The following BBS9 variants were observed in gnomAD, a reference collection of about 807,000 sequenced individuals.
BBS9 encodes Bardet-Biedl syndrome 9.
A neutral mutation model predicts 117.7 loss-of-function variants in BBS9; 89 were observed. The observed-to-expected ratio is 0.76, with a 90% CI of 0.64 to 0.90. BBS9 has a LOEUF of 0.90. Ranked by LOEUF, BBS9 falls within the 40% of genes least tolerant of loss-of-function variation. The pLI is 0.00. For synonymous variants in BBS9, 379 were observed against 370.9 expected (o/e 1.02, Z -0.25); for missense variants, 982 against 1,042.2 (o/e 0.94, Z 0.80).
intron 19 of BBS9, among the ~76,000 whole-genome samples, chr7:33,433,424 C>T (rs1409881343): frequency 2.0e-5 from 3 of 152,102 alleles, no homozygotes; most frequent in East Asian, 1.9e-4. Context: ...TTTCCCATAC[C>T]GTGATCCAGC....
intron 19 of BBS9, among the ~76,000 whole-genome samples, chr7:33,489,238 C>G (rs1843561148): frequency 6.6e-6 from 1 of 151,492 alleles, no homozygotes; most frequent in South Asian, 2.1e-4. Flanking sequence ...AAGTGATCCA[C>G]TCTCCTTGGC....
At chr7:33,219,261 C>G (rs1016947016) in intron 5 of BBS9, among the ~76,000 whole-genome samples, 2 of 152,228 alleles carry the variant, frequency 1.3e-5, no homozygotes. Context: ...CCTCCCACCC[C>G]CTCCGTGGGC....
chr7:33,149,486 C>G (rs930814774), intron 2 of BBS9, among the ~76,000 whole-genome samples: 2 of 152,152 alleles, frequency 1.3e-5, no homozygotes, highest in Non-Finnish European at 2.9e-5. Context: ...AAATTGAACA[C>G]CCCATGCATT....
intron 5 of BBS9, among the ~76,000 whole-genome samples, chr7:33,194,365 G>A (rs1289863493): frequency 3.3e-5 from 5 of 152,142 alleles, no homozygotes; most frequent in African/African-American, 9.7e-5. Context: ...CAGCCCTGAA[G>A]ATTCTTGGAA....
chr7:33,608,356 A>G (rs1322102502), downstream of BBS9, among the ~76,000 whole-genome samples: 6 of 152,032 alleles, frequency 3.9e-5, no homozygotes, highest in African/African-American at 1.4e-4. Context: ...ACGTATAAGT[A>G]CCTATGCCTT....
At chr7:33,563,284 A>G (rs1401559677) in intron 21 of BBS9, among the ~76,000 whole-genome samples, 1 of 152,216 alleles carries the variant, frequency 6.6e-6, no homozygotes, top group African/African-American at 2.4e-5. Flanking sequence ...CTTCAACTTT[A>G]AACCAAGGTC....
intron 16 of BBS9, among the ~76,000 whole-genome samples, chr7:33,361,891 A>G (rs940807557): frequency 5.3e-5 from 8 of 152,210 alleles, no homozygotes; most frequent in African/African-American, 1.7e-4. Flanking sequence ...AAAAAGCTTA[A>G]ATTGAAGTAT....
chr7:33,585,065 T>C (rs1860656577), intron 21 of BBS9, among the ~76,000 whole-genome samples: 1 of 152,152 alleles, frequency 6.6e-6, no homozygotes. Context: ...TTTTTAGTTG[T>C]AAATCCTATC....
At chr7:33,527,585 A>T (rs557228925) in intron 20 of BBS9, among the ~76,000 whole-genome samples, 1 of 152,302 alleles carries the variant, frequency 6.6e-6, no homozygotes, top group African/African-American at 2.4e-5. Flanking sequence ...CAAGTGAGGC[A>T]ATGCCTCGCC....
chr7:33,323,374 TTTGCTC>T (rs1307138426), intron 9 of BBS9, among the ~76,000 whole-genome samples: 2 of 152,202 alleles, frequency 1.3e-5, no homozygotes, highest in Non-Finnish European at 2.9e-5. Flanking sequence ...ACCTTTGTCT[TTTGCTC>T]TAGTAATAAT....
intron 9 of BBS9, among the ~76,000 whole-genome samples, chr7:33,321,463 T>C (rs1811698155): frequency 6.6e-6 from 1 of 152,062 alleles, no homozygotes; most frequent in South Asian, 2.1e-4. Flanking sequence ...GGTTAATTCC[T>C]AGGTATTTAA....
intron 19 of BBS9, among the ~76,000 whole-genome samples, chr7:33,419,173 C>T (rs564294163): frequency 6.6e-6 from 1 of 151,992 alleles, no homozygotes; most frequent in Admixed American, 6.6e-5. Context: ...CCCTTGCTAC[C>T]TTAATTATTC....
At chr7:33,602,107 C>T (rs1173334874) in intron 21 of BBS9, among the ~76,000 whole-genome samples, 6 of 152,160 alleles carry the variant, frequency 3.9e-5, no homozygotes, top group Non-Finnish European at 5.9e-5. Context: ...GGACAAAGGG[C>T]AGCAACCAAG....
At chr7:33,485,239 G>A (rs1022009117) in intron 19 of BBS9, among the ~76,000 whole-genome samples, 11 of 151,782 alleles carry the variant, frequency 7.2e-5, no homozygotes, top group Non-Finnish European at 2.9e-5. Flanking sequence ...AACCACCATG[G>A]CACACATTTA....
chr7:33,480,079 G>A (rs1421779118), intron 19 of BBS9, among the ~76,000 whole-genome samples: 2 of 152,168 alleles, frequency 1.3e-5, no homozygotes, highest in Non-Finnish European at 2.9e-5. Flanking sequence ...TGATCAGGAG[G>A]AATCACAGCA....
chr7:33,223,420 C>A (rs906351892), intron 5 of BBS9, among the ~76,000 whole-genome samples: 5 of 152,156 alleles, frequency 3.3e-5, no homozygotes, highest in African/African-American at 7.2e-5. Flanking sequence ...CTAACTGGAA[C>A]CTGAAAACAG....
intron 6 of BBS9, among the ~76,000 whole-genome samples, chr7:33,263,970 G>A (rs1193793057): frequency 6.6e-6 from 1 of 151,884 alleles, no homozygotes; most frequent in Non-Finnish European, 1.5e-5. Context: ...TGTCTATTTG[G>A]TGTTTAGGTG....
chr7:33,174,259 T>C (rs1310949921), intron 4 of BBS9, among the ~76,000 whole-genome samples: 1 of 152,206 alleles, frequency 6.6e-6, no homozygotes, highest in Non-Finnish European at 1.5e-5. Context: ...ATGGACACAA[T>C]AGGCCTAGTG....
In BBS9 at chr7:33,508,121, T is replaced by C. The variant is rs114903107; in HGVS notation, c.2298+2476T>C. ...TACTTACACATATATTTTGTTCTTA[T>C]AGAACTGTGGAATCACCAGACTTAA... is the stretch of plus-strand genomic sequence containing the variant. On this transcript the variant is annotated intron_variant, in intron 20 of 22. Coordinates refer to ENST00000242067, the MANE Select transcript of BBS9 (RefSeq NM_198428.3). Among the ~76,000 whole-genome samples, 548 of 152,362 alleles carry C rather than the reference T, an allele frequency of 3.6e-3. 4 individuals carry two copies. The highest frequency in any genetic ancestry group is 0.012 in the African/African-American group (504 of 41,576).
Sources: gnomAD v4.1 joint callset for allele counts (sites outside exome capture counted in the v4.1 genomes callset) on GRCh38, gnomAD v4.1.1 for gene constraint, MANE v1.5 for transcripts, NCBI Gene and HGNC (gene_info 2026-07-23, HGNC 2026-07-21) for gene names.